The following PRKAR1B variants were observed in gnomAD, a reference collection of about 807,000 sequenced individuals.
PRKAR1B encodes the protein protein kinase cAMP-dependent type I regulatory subunit beta, also known as cAMP-dependent protein kinase type I-beta regulatory subunit.
A neutral mutation model predicts 46.5 loss-of-function variants in PRKAR1B; 22 were observed. That is an observed-to-expected ratio of 0.47 (90% CI 0.34 to 0.68). PRKAR1B has a LOEUF of 0.68. Among genes scored for constraint, PRKAR1B ranks in the 30% least tolerant of loss-of-function variants. PRKAR1B has a pLI of 0.01. For missense variants in PRKAR1B, 445 were observed against 535.6 expected (o/e 0.83, Z 1.67); for synonymous variants, 259 against 217.7 (o/e 1.19, Z -1.67).
At chr7:664,309 G>A (rs193255212) in intron 4 of PRKAR1B, among the ~76,000 whole-genome samples, 102 of 152,288 alleles carry the variant, frequency 6.7e-4, no homozygotes, top group South Asian at 1.0e-3. Context: ...TGTGGTCCCC[G>A]ACACAGCACA....
chr7:668,840 A>C (rs1438243697), intron 4 of PRKAR1B, among the ~76,000 whole-genome samples: 1 of 152,174 alleles, frequency 6.6e-6, no homozygotes, highest in Non-Finnish European at 1.5e-5. Context: ...GGATTTGAGG[A>C]GTTTAGCTGA....
intron 8 of PRKAR1B, among the ~76,000 whole-genome samples, chr7:583,287 AG>A (rs1780307638): frequency 6.6e-6 from 1 of 152,120 alleles, no homozygotes; most frequent in African/African-American, 2.4e-5. Flanking sequence ...CAGAGAGAAC[AG>A]GGGTCAAAGT....
In PRKAR1B at chr7:727,044, G is replaced by C. The variant is rs1241458505; in HGVS notation, c.-23+166C>G. On this transcript the variant is annotated intron_variant, in intron 1 of 10. Transcript: ENST00000537384. ...TGGATCTGGGCCTGCGCCGCGCCGCGCGGCCCCGCGATGCCCTGCCGCGCC... is the reference window on the plus strand; with the variant it reads ...TGGATCTGGGCCTGCGCCGCGCCGCCCGGCCCCGCGATGCCCTGCCGCGCC... 2.0e-5 allele frequency: 22 copies of C among 1,109,164 alleles called. No individual in the cohort carries two copies. The highest frequency in any genetic ancestry group is 2.3e-5 in the Non-Finnish European group (21 of 911,066). The allele number at this position is 1,109,164 out of a possible 1,614,324, so 68.7% of individuals were successfully genotyped here.
rs1347792276 is a variant in PRKAR1B, at chr7:691,481, C to A, written c.178-10755G>T. Reference sequence around the variant, plus strand: ...CCCACGGATGAAGATGCAGGCAGGGCCCCCCAGCGCACCACAGCCATCCAG... The same window carrying A: ...CCCACGGATGAAGATGCAGGCAGGGACCCCCAGCGCACCACAGCCATCCAG... On this transcript the variant is annotated intron_variant, in intron 2 of 10. Coordinates refer to ENST00000537384, the MANE Select transcript of PRKAR1B (RefSeq NM_001164760.2). 3.8e-6 allele frequency: 5 copies of A among 1,302,552 alleles called. No homozygotes were observed. The Admixed American group carries it at 1.1e-4, about 30-fold the overall frequency. The allele number at this position is 1,302,552 out of a possible 1,614,324, so 80.7% of individuals were successfully genotyped here. A position where few individuals can be genotyped will look rare whatever the true frequency, so the allele number is the denominator to read the frequency against.
chr7:617,727 G>A (rs960186989), intron 4 of PRKAR1B, among the ~76,000 whole-genome samples: 1 of 152,152 alleles, frequency 6.6e-6, no homozygotes, highest in Non-Finnish European at 1.5e-5. Flanking sequence ...GGCAGAGCCT[G>A]GGCCTGTGAA....
chr7:639,035 G>A (rs755823150), intron 4 of PRKAR1B, among the ~76,000 whole-genome samples: 1 of 152,100 alleles, frequency 6.6e-6, no homozygotes, highest in African/African-American at 2.4e-5. Context: ...CCAAAATCGC[G>A]CCACTGTACT....
intron 4 of PRKAR1B, among the ~76,000 whole-genome samples, chr7:619,536 G>A (rs1237241710): frequency 6.6e-6 from 1 of 152,222 alleles, no homozygotes; most frequent in Non-Finnish European, 1.5e-5. Flanking sequence ...GAATGGTGGT[G>A]CTGGGATTCA....
chr7:620,637 T>C (rs1050181304), intron 4 of PRKAR1B, among the ~76,000 whole-genome samples: 1 of 152,264 alleles, frequency 6.6e-6, no homozygotes, highest in Non-Finnish European at 1.5e-5. Flanking sequence ...GGCTTCTTAA[T>C]GATGATTTTT....
At chr7:727,291 G>T (rs1781362057), upstream of PRKAR1B, 1 of 1,300,582 alleles carries the variant, frequency 7.7e-7, no homozygotes, top group South Asian at 2.2e-5. Flanking sequence ...CAGCTGCGCC[G>T]CCGCCCTGGC....
intron 9 of PRKAR1B, among the ~76,000 whole-genome samples, chr7:563,708 ATGTG>A (rs372307127): frequency 2.0e-5 from 3 of 151,222 alleles, no homozygotes; most frequent in African/African-American, 7.3e-5. Flanking sequence ...CGGTGTGTGC[ATGTG>A]TGTGTGTGCA....
In PRKAR1B at chr7:710,734, CTCCCGGT is replaced by C. The variant is rs200659010; in HGVS notation, c.177+588_177+594del. Among the ~76,000 whole-genome samples, 1,276 of 151,606 alleles carry C rather than the reference CTCCCGGT, an allele frequency of 8.4e-3. 9 individuals are homozygous for C. The highest frequency in any genetic ancestry group is 0.031 in the Middle Eastern group (9 of 294). On this transcript the variant is annotated intron_variant, in intron 2 of 10. Coordinates refer to ENST00000537384, the MANE Select transcript of PRKAR1B (RefSeq NM_001164760.2). ...GATCTCAGCTCACTGCAGCCTCCAC[CTCCCGGT>C]TCAAGCAATTCTCCTGCCTGAACCA...
At chr7:638,798 C>A (rs570373541) in intron 4 of PRKAR1B, among the ~76,000 whole-genome samples, 2 of 152,354 alleles carry the variant, frequency 1.3e-5, no homozygotes, top group African/African-American at 4.8e-5. Context: ...CACATGCGGC[C>A]GGGCGCGGGG....
At chr7:601,274 G>A (rs1026280327) in intron 6 of PRKAR1B, among the ~76,000 whole-genome samples, 18 of 152,164 alleles carry the variant, frequency 1.2e-4, no homozygotes, top group African/African-American at 4.1e-4. Context: ...CTGCAGCCCC[G>A]AACCCAGGGT....
intron 7 of PRKAR1B, among the ~76,000 whole-genome samples, chr7:587,052 G>T (rs13240255): frequency 0.59 from 89,565 of 151,640 alleles, 27,101 homozygotes; most frequent in East Asian, 0.84. Flanking sequence ...CCCAGCTAAT[G>T]TTTTTTGTAT....
intron 9 of PRKAR1B, among the ~76,000 whole-genome samples, chr7:556,092 G>T (rs2128421582): frequency 6.6e-6 from 1 of 152,226 alleles, no homozygotes; most frequent in African/African-American, 2.4e-5. Flanking sequence ...AGGACGCTCG[G>T]CTCCTGGCTG....
intron 4 of PRKAR1B, among the ~76,000 whole-genome samples, chr7:628,083 A>G (rs1018676850): frequency 2.6e-5 from 4 of 152,156 alleles, no homozygotes; most frequent in Admixed American, 1.3e-4. Flanking sequence ...CCCAAAGACC[A>G]TGCGAAAGGG....
In PRKAR1B at chr7:643,250, G is replaced by T. The variant is rs1295135320; in HGVS notation, c.440+33979C>A. 2.6e-5 allele frequency among the ~76,000 whole-genome samples: 4 copies of T among 151,546 alleles called. No individual in the cohort carries two copies. The South Asian group carries it at 6.3e-4, about 24-fold the overall frequency. ...ATGACAATTTACATTTACAATTTTG[G>T]ATGAGAAATACCGCAAGATTTACTC... On this transcript the variant is annotated intron_variant, in intron 4 of 10. Transcript: ENST00000537384.
chr7:557,938 C>T (rs927764018), intron 9 of PRKAR1B, among the ~76,000 whole-genome samples: 2 of 152,302 alleles, frequency 1.3e-5, no homozygotes, highest in Non-Finnish European at 1.5e-5. Flanking sequence ...CGCCGCAGAA[C>T]GTCCTGCCCT....
intron 1 of PRKAR1B, among the ~76,000 whole-genome samples, chr7:715,802 G>A (rs1305968156): frequency 2.0e-5 from 3 of 149,548 alleles, no homozygotes; most frequent in Admixed American, 6.7e-5. Context: ...TGCAAGCTCC[G>A]CCTCCCGGGT....
Sources: gnomAD v4.1 joint callset for allele counts (sites outside exome capture counted in the v4.1 genomes callset) on GRCh38, gnomAD v4.1.1 for gene constraint, MANE v1.5 for transcripts, NCBI Gene and HGNC (gene_info 2026-07-23, HGNC 2026-07-21) for gene names.